Variants in VRK2 observed in about 807,000 individuals in gnomAD.
VRK2 encodes the protein VRK serine/threonine kinase 2.
In VRK2, 60 loss-of-function variants were observed where a neutral mutation model predicts 57.6. The ratio of observed to expected loss-of-function variants is 1.04; its 90% CI spans 0.85 to 1.29. The LOEUF (loss-of-function observed/expected upper bound fraction) is 1.29. VRK2 is among the 50% of genes most tolerant of loss of function. The pLI, the probability that VRK2 is intolerant of heterozygous loss-of-function variation, is 0.00. For missense variants in VRK2, 705 were observed against 588.1 expected (o/e 1.20, Z -2.06); for synonymous variants, 231 against 199.2 (o/e 1.16, Z -1.35).
At chr2:57,959,357 GAAAC>G (rs771744691) in intron 1 of VRK2, among the ~76,000 whole-genome samples, 2 of 152,148 alleles carry the variant, frequency 1.3e-5, no homozygotes, top group African/African-American at 2.4e-5. Context: ...AGGAACAAAA[GAAAC>G]AGACAGAACA....
intron 1 of VRK2, among the ~76,000 whole-genome samples, chr2:57,918,615 G>A (rs1364267719): frequency 2.0e-5 from 3 of 152,034 alleles, no homozygotes; most frequent in Non-Finnish European, 2.9e-5. Flanking sequence ...ACAAGTCTGG[G>A]ACTGATTGTG....
chr2:58,074,848 C>A (rs192423024), intron 2 of VRK2, among the ~76,000 whole-genome samples: 44 of 152,046 alleles, frequency 2.9e-4, no homozygotes, highest in African/African-American at 9.9e-4. Context: ...GAATATGAGA[C>A]CTTTTATAAT....
At chr2:58,097,804 T>C (rs1673372125) in intron 7 of VRK2, among the ~76,000 whole-genome samples, 1 of 152,126 alleles carries the variant, frequency 6.6e-6, no homozygotes, top group Non-Finnish European at 1.5e-5. Context: ...CACTATATAG[T>C]ACTTGATAAT....
chr2:57,935,122 T>A (rs1454671188), intron 1 of VRK2, among the ~76,000 whole-genome samples: 1 of 152,112 alleles, frequency 6.6e-6, no homozygotes, highest in Non-Finnish European at 1.5e-5. Flanking sequence ...TCTTTGGGGG[T>A]CTCACATTGC....
In VRK2 at chr2:58,080,530, A is replaced by C. The variant is rs1488426692; in HGVS notation, c.137-3559A>C. ...CTGCTAGTTTTTGACATGTATTTTG[A>C]ATTACATTTTTAGATGATTTCAAGT... On this transcript the variant is annotated intron_variant, in intron 2 of 12. Coordinates refer to ENST00000340157, the MANE Select transcript of VRK2 (RefSeq NM_006296.7). Among the ~76,000 whole-genome samples the C allele has an allele frequency of 2.6e-5, 4 of 151,654 alleles. No homozygotes were observed. The South Asian group carries it at 6.2e-4, about 24-fold the overall frequency.
At chr2:58,152,334 A>G (rs1034584785) in intron 12 of VRK2, among the ~76,000 whole-genome samples, 3 of 151,866 alleles carry the variant, frequency 2.0e-5, no homozygotes, top group Non-Finnish European at 4.4e-5. Context: ...ATTACATTCT[A>G]TCTTGACTTA....
At chr2:58,084,190 T>G in intron 3 of VRK2, 52 bp downstream of exon 3, 1 of 1,540,932 alleles carries the variant, frequency 6.5e-7, no homozygotes, top group Non-Finnish European at 8.8e-7. Flanking sequence ...TTTTTCCTTT[T>G]CTGCTTTAAG....
intron 1 of VRK2, among the ~76,000 whole-genome samples, chr2:57,910,824 G>T (rs1021387238): frequency 6.6e-6 from 1 of 152,062 alleles, no homozygotes; most frequent in African/African-American, 2.4e-5. Context: ...CCTTAGAAAA[G>T]CTCTCACTAG....
At chr2:57,993,481 TAA>T (rs879272262) in intron 1 of VRK2, among the ~76,000 whole-genome samples, 18 of 142,850 alleles carry the variant, frequency 1.3e-4, no homozygotes, top group Non-Finnish European at 1.5e-4. Context: ...TGCTCTGCTT[TAA>T]AAAAAAAAAA....
chr2:57,937,998 A>T (rs1232577148), intron 1 of VRK2, among the ~76,000 whole-genome samples: 1 of 151,660 alleles, frequency 6.6e-6, no homozygotes, highest in Non-Finnish European at 1.5e-5. Context: ...CACCCAGCTA[A>T]TTTTTGTATT....
intron 7 of VRK2, among the ~76,000 whole-genome samples, chr2:58,092,894 A>G (rs1290598757): frequency 6.6e-6 from 1 of 152,080 alleles, no homozygotes; most frequent in Non-Finnish European, 1.5e-5. Flanking sequence ...ATTCCCACCT[A>G]TGAGTAAGAA....
intron 10 of VRK2, among the ~76,000 whole-genome samples, chr2:58,137,213 TA>T (rs1330149965): frequency 4.9e-5 from 3 of 61,748 alleles, no homozygotes; most frequent in African/African-American, 3.5e-4. Flanking sequence ...TCATATATGA[TA>T]CATATATATC....
chr2:57,929,311 A>G, intron 1 of VRK2, among the ~76,000 whole-genome samples: 1 of 152,146 alleles, frequency 6.6e-6, no homozygotes, highest in East Asian at 1.9e-4. Flanking sequence ...TTCCATAAGC[A>G]AAGCAGCATC....
chr2:58,016,400 G>A (rs532199239), intron 1 of VRK2, among the ~76,000 whole-genome samples: 1 of 151,316 alleles, frequency 6.6e-6, no homozygotes, highest in East Asian at 1.9e-4. Flanking sequence ...AGGCGGGAAT[G>A]CAGTGGCGCA....
intron 2 of VRK2, among the ~76,000 whole-genome samples, chr2:58,061,977 C>T (rs1338737535): frequency 3.3e-5 from 5 of 152,014 alleles, no homozygotes; most frequent in Admixed American, 2.0e-4. Flanking sequence ...TATTGCACAT[C>T]ACTTTATTGT....
chr2:58,117,834 G>A (rs1676760597), intron 7 of VRK2, among the ~76,000 whole-genome samples: 1 of 152,132 alleles, frequency 6.6e-6, no homozygotes, highest in Non-Finnish European at 1.5e-5. Flanking sequence ...TATAGGCTAA[G>A]GGAGAAGGAG....
At chr2:57,976,612 G>C (rs191104270) in intron 1 of VRK2, among the ~76,000 whole-genome samples, 1 of 152,014 alleles carries the variant, frequency 6.6e-6, no homozygotes, top group East Asian at 1.9e-4. Context: ...ATTGTTTCTG[G>C]ATATTAGATC....
At chr2:57,965,367 T>C (rs1216389664) in intron 1 of VRK2, among the ~76,000 whole-genome samples, 1 of 152,164 alleles carries the variant, frequency 6.6e-6, no homozygotes, top group Non-Finnish European at 1.5e-5. Context: ...TAAACAGGAA[T>C]AGAAGGCAGT....
Position 58,067,739 on chromosome 2 carries a change from A to G in VRK2, c.137-16350A>G, listed in dbSNP as rs377446960. On this transcript the variant is annotated intron_variant, in intron 2 of 12. Coordinates refer to ENST00000340157, the MANE Select transcript of VRK2 (RefSeq NM_006296.7). ...TGAAAATCCCTTCAGTTCATGTTAC[A>G]TGTTTTGCTCCGTCTGTTAAATATA... is the stretch of plus-strand genomic sequence containing the variant. Among the ~76,000 whole-genome samples, 6 of 152,168 alleles carry G rather than the reference A, an allele frequency of 3.9e-5. No homozygotes were observed. The South Asian group carries it at 1.2e-3, about 32-fold the overall frequency.
Sources: gnomAD v4.1 joint callset for allele counts (sites outside exome capture counted in the v4.1 genomes callset) on GRCh38, gnomAD v4.1.1 for gene constraint, MANE v1.5 for transcripts, NCBI Gene and HGNC (gene_info 2026-07-23, HGNC 2026-07-21) for gene names.